Variants in USH2A observed in about 807,000 individuals in gnomAD.
The protein encoded by USH2A is Usher syndrome 2A (autosomal recessive, mild).
USH2A carries 443 observed loss-of-function variants against 538.9 expected under a neutral mutation model. The observed-to-expected ratio is 0.82, with a 90% confidence interval of 0.76 to 0.89. The LOEUF is 0.89. USH2A is among the 40% of genes least tolerant of loss of function. The pLI, the probability that USH2A is intolerant of heterozygous loss-of-function variation, is 0.00. For synonymous variants in USH2A, 2,413 were observed against 2,273.5 expected, an observed-to-expected ratio of 1.06 and a Z score of -1.75; for missense variants, 6,633 against 6,324.8, an observed-to-expected ratio of 1.05 and a Z score of -1.65.
intron 61 of USH2A, among the ~76,000 whole-genome samples, chr1:215,726,749 T>C (rs1040122609): frequency 1.3e-5 from 2 of 152,210 alleles, no homozygotes; most frequent in African/African-American, 4.8e-5. Flanking sequence ...TTTAATCTTA[T>C]CCATGAAGCA....
At chr1:215,955,374 A>G (rs1667037764) in intron 37 of USH2A, among the ~76,000 whole-genome samples, 1 of 152,174 alleles carries the variant, frequency 6.6e-6, no homozygotes, top group African/African-American at 2.4e-5. Context: ...AGCACAATAA[A>G]ACAACATATG....
At chr1:215,676,409 A>G (rs1196879371) in intron 62 of USH2A, among the ~76,000 whole-genome samples, 1 of 152,158 alleles carries the variant, frequency 6.6e-6, no homozygotes, top group South Asian at 2.1e-4. Context: ...GTTTTTGAAC[A>G]GTGATTTTCC....
intron 3 of USH2A, among the ~76,000 whole-genome samples, chr1:216,416,626 T>C (rs1164412351): frequency 1.3e-5 from 2 of 152,124 alleles, no homozygotes. Context: ...AAATGACTCA[T>C]ATTTGACATG....
chr1:216,258,655 G>A (rs141929027), intron 11 of USH2A, among the ~76,000 whole-genome samples: 372 of 152,110 alleles, frequency 2.4e-3, no homozygotes, highest in African/African-American at 8.6e-3. Context: ...GCAGTAATCC[G>A]GGTCAATTGT....
intron 4 of USH2A, among the ~76,000 whole-genome samples, chr1:216,344,985 G>A (rs2102683609): frequency 6.6e-6 from 1 of 151,678 alleles, no homozygotes; most frequent in South Asian, 2.1e-4. Context: ...TGGGACTTGG[G>A]GAGCTTTTTC....
At chr1:215,681,042 C>A (rs969763977) in intron 61 of USH2A, among the ~76,000 whole-genome samples, 2 of 151,926 alleles carry the variant, frequency 1.3e-5, no homozygotes, top group African/African-American at 4.8e-5. Flanking sequence ...AACTATGAAA[C>A]CTACCAAAAG....
chr1:216,089,964 G>T (rs2032255242), intron 22 of USH2A, among the ~76,000 whole-genome samples: 1 of 151,824 alleles, frequency 6.6e-6, no homozygotes, highest in African/African-American at 2.4e-5. Flanking sequence ...CTAAGTGAAA[G>T]ATATCCCAAC....
intron 71 of USH2A, among the ~76,000 whole-genome samples, chr1:215,628,039 G>T (rs908388262): frequency 2.0e-5 from 3 of 152,192 alleles, no homozygotes; most frequent in African/African-American, 7.2e-5. Context: ...TATGAAAGAT[G>T]AAGCTTATAA....
At chr1:215,903,989 A>G (rs1276770838) in intron 38 of USH2A, among the ~76,000 whole-genome samples, 1 of 152,116 alleles carries the variant, frequency 6.6e-6, no homozygotes, top group African/African-American at 2.4e-5. Context: ...ATCATAATTT[A>G]TTTGACATAT....
chr1:215,828,919 A>C (rs1558116791), intron 47 of USH2A, among the ~76,000 whole-genome samples: 2 of 152,182 alleles, frequency 1.3e-5, no homozygotes, highest in Non-Finnish European at 1.5e-5. Flanking sequence ...AGTGTTTGTC[A>C]TATTTCTATC....
intron 61 of USH2A, among the ~76,000 whole-genome samples, chr1:215,710,967 A>G (rs1337121380): frequency 2.0e-5 from 3 of 151,914 alleles, no homozygotes; most frequent in Non-Finnish European, 4.4e-5. Flanking sequence ...CAAGCAATCT[A>G]CTAACACTGC....
Position 216,072,960 on chromosome 1 carries a change from T to C in USH2A, c.5786A>G (p.Tyr1929Cys), listed in dbSNP as rs1209628360. 2 of 1,613,986 alleles carry C rather than the reference T, an allele frequency of 1.2e-6. No individual in the cohort carries two copies. The highest frequency in any genetic ancestry group is 2.2e-5 in the South Asian group (2 of 91,084). Residue 1929 changes from tyrosine (Y) to cysteine (C), a missense_variant, in exon 29 of 72, where the codon TAT becomes TGT. Coordinates refer to ENST00000307340, the MANE Select transcript of USH2A (RefSeq NM_206933.4). ...GGLQPFTEYL[Y>C]RVIASHEGGS... is the part of the protein sequence containing the mutation. ...TCCTTCATGCGAGGCTATCACTCGA[T>C]ACAGGTATTCTTAAATGGAAATAAG...
At chr1:216,256,329 T>TG (rs562151635) in intron 11 of USH2A, among the ~76,000 whole-genome samples, 1 of 151,358 alleles carries the variant, frequency 6.6e-6, no homozygotes, top group African/African-American at 2.4e-5. Flanking sequence ...TCCTTTTTTT[T>TG]TTTTTTGCCT....
intron 44 of USH2A, among the ~76,000 whole-genome samples, chr1:215,863,505 G>T (rs907295561): frequency 6.6e-6 from 1 of 152,186 alleles, no homozygotes; most frequent in Non-Finnish European, 1.5e-5. Flanking sequence ...AGATCAGGAT[G>T]AGACAAATGC....
At chr1:216,057,726 G>A (rs1183540873) in intron 30 of USH2A, among the ~76,000 whole-genome samples, 2 of 151,804 alleles carry the variant, frequency 1.3e-5, no homozygotes, top group Admixed American at 1.3e-4. Flanking sequence ...ACAAATATTG[G>A]AATATTAATT....
chr1:216,107,739 G>T (rs1571967079), intron 21 of USH2A, among the ~76,000 whole-genome samples: 2 of 135,902 alleles, frequency 1.5e-5, no homozygotes, highest in African/African-American at 5.4e-5. Context: ...TCCCTACCTT[G>T]TTATGGATTA....
At chr1:216,294,742 T>G (rs1296879960) in intron 9 of USH2A, among the ~76,000 whole-genome samples, 1 of 151,984 alleles carries the variant, frequency 6.6e-6, no homozygotes. Flanking sequence ...CCATAATTGT[T>G]ATATCTTCAC....
intron 61 of USH2A, among the ~76,000 whole-genome samples, chr1:215,704,401 A>G (rs1166357874): frequency 1.4e-4 from 21 of 152,226 alleles, no homozygotes; most frequent in Admixed American, 1.4e-3. Flanking sequence ...CTAACTGCTT[A>G]TGAACTTTGG....
chr1:216,230,948 C>A (rs1396581909), intron 14 of USH2A, among the ~76,000 whole-genome samples: 3 of 150,644 alleles, frequency 2.0e-5, no homozygotes, highest in African/African-American at 7.3e-5. Context: ...AGCACATCTT[C>A]AAAAATACAG....
Sources: allele counts gnomAD v4.1 joint callset (sites outside exome capture counted in the v4.1 genomes callset), GRCh38; gene constraint gnomAD v4.1.1; transcripts MANE v1.5; gene names NCBI Gene and HGNC (gene_info 2026-07-23, HGNC 2026-07-21).